The following MLANA variants were observed in gnomAD, a reference collection of about 807,000 sequenced individuals.
MLANA encodes melan-A, also known as melanoma antigen recognized by T-cells 1.
In MLANA, 21 loss-of-function variants were observed where a neutral mutation model predicts 15.7. The observed-to-expected ratio is 1.33, with a 90% CI of 0.95 to 1.92. MLANA has a LOEUF of 1.92. MLANA is among the 40% of genes most tolerant of loss of function. MLANA has a pLI of 0.00. For synonymous variants in MLANA, 56 were observed against 51.5 expected (o/e 1.09, Z -0.37); for missense variants, 164 against 143.8 (o/e 1.14, Z -0.72).
rs1181782048 is a variant in MLANA, at chr9:5,895,704, G to A, written c.78-1853G>A. Among the ~76,000 whole-genome samples, 3 of 152,212 alleles carry A rather than the reference G, an allele frequency of 2.0e-5. No individual in the cohort carries two copies. In the East Asian group the frequency reaches 5.8e-4, roughly 29 times the overall value. The stretch of plus-strand genomic sequence containing the variant: ...CCTAAGAGGCTGATTGGGTAGGCCA[G>A]GGGTGGAGTCCTATGATCTGCACCT... On this transcript the variant is annotated intron_variant, in intron 2 of 4. Transcript: ENST00000381477.
chr9:5,891,790 T>C (rs185249017), intron 1 of MLANA, among the ~76,000 whole-genome samples: 2 of 152,242 alleles, frequency 1.3e-5, no homozygotes, highest in Non-Finnish European at 2.9e-5. Context: ...GGGAAACACA[T>C]TGTTAGATAA....
intron 3 of MLANA, among the ~76,000 whole-genome samples, chr9:5,903,982 C>G (rs1048318700): frequency 7.9e-5 from 12 of 152,070 alleles, no homozygotes; most frequent in African/African-American, 2.9e-4. Flanking sequence ...CTCAGCCTCC[C>G]AAGTAGCTGG....
At chr9:5,895,938 G>A (rs888612502) in intron 2 of MLANA, among the ~76,000 whole-genome samples, 5 of 152,214 alleles carry the variant, frequency 3.3e-5, no homozygotes, top group Non-Finnish European at 7.3e-5. Flanking sequence ...TCAAGTGGAC[G>A]CCACAGGGTA....
At chr9:5,893,300 G>A (rs1047910111) in intron 2 of MLANA, among the ~76,000 whole-genome samples, 1 of 152,178 alleles carries the variant, frequency 6.6e-6, no homozygotes, top group Non-Finnish European at 1.5e-5. Context: ...CTGGGTGGCA[G>A]GGGCAGGGGA....
intron 2 of MLANA, among the ~76,000 whole-genome samples, chr9:5,897,305 G>A (rs1189684858): frequency 6.6e-6 from 1 of 152,156 alleles, no homozygotes; most frequent in East Asian, 1.9e-4. Context: ...CTGGAACTTG[G>A]GTGCCTGGGC....
rs931504942 is a variant in MLANA at position 5,910,311 on chromosome 9, C to T, written c.*1603C>T. ...ATTTTCTACTAAAGACAAAATTTCACCAAAGGGGAAAAAGAAAACACAGGA... is the reference window on the plus strand; with the variant it reads ...ATTTTCTACTAAAGACAAAATTTCATCAAAGGGGAAAAAGAAAACACAGGA... On this transcript the variant is annotated 3_prime_UTR_variant, in exon 5 of 5. Coordinates refer to ENST00000381477, the MANE Select transcript of MLANA (RefSeq NM_005511.2). The T allele has an allele frequency of 1.3e-5, 2 of 152,044 alleles. No individual in the cohort carries two copies. Among genetic ancestry groups the T allele is most frequent in the Non-Finnish European group, 2.9e-5 (2 of 68,004 alleles). The allele number at this position is 152,044 out of a possible 1,614,324, so 9.4% of individuals were successfully genotyped here. A position where few individuals can be genotyped will look rare whatever the true frequency, so the allele number is the denominator to read the frequency against.
At chr9:5,893,041 C>T (rs1831753761) in intron 2 of MLANA, among the ~76,000 whole-genome samples, 2 of 152,084 alleles carry the variant, frequency 1.3e-5, no homozygotes, top group Non-Finnish European at 2.9e-5. Flanking sequence ...TAACTTTATC[C>T]TAAGGAAAGA....
chr9:5,905,456 C>A (rs971277788), intron 3 of MLANA, among the ~76,000 whole-genome samples: 1 of 152,140 alleles, frequency 6.6e-6, no homozygotes, highest in Non-Finnish European at 1.5e-5. Context: ...AAATTAGGAA[C>A]AAGACAATGC....
Position 5,892,433 on chromosome 9 carries a change from C to T in MLANA, c.-25-17C>T. On this transcript the variant is annotated splice_polypyrimidine_tract_variant and intron_variant, in intron 1 of 4. Transcript: ENST00000381477. ...GCTTTGGATGCATTAATGATGCCCA[C>T]ATGCTCCTTCTGTTAGGTGTCCTGT... 6.3e-7 allele frequency: 1 copy of T among 1,584,152 alleles called. No homozygotes were observed. Among genetic ancestry groups the T allele is most frequent in the Non-Finnish European group, 8.6e-7 (1 of 1,162,536 alleles).
intron 2 of MLANA, among the ~76,000 whole-genome samples, chr9:5,892,803 A>T (rs1023167218): frequency 6.6e-6 from 1 of 152,170 alleles, no homozygotes; most frequent in East Asian, 1.9e-4. Context: ...TGCACTTTTG[A>T]CTATTGGGTC....
chr9:5,906,777 C>A, intron 3 of MLANA, 108 bp from the exon 4 acceptor site: 1 of 653,432 alleles, frequency 1.5e-6, no homozygotes, highest in Non-Finnish European at 2.6e-6. Flanking sequence ...AAGTAAGTGG[C>A]AGAACCTAGA....
chr9:5,892,429 C>T (rs368428916), intron 1 of MLANA, 21 bp from the exon 2 acceptor site: 2 of 1,567,442 alleles, frequency 1.3e-6, no homozygotes, highest in Non-Finnish European at 1.7e-6. Flanking sequence ...ATTAATGATG[C>T]CCACATGCTC....
At chr9:5,903,709 T>C (rs1225450801) in intron 3 of MLANA, among the ~76,000 whole-genome samples, 1 of 152,248 alleles carries the variant, frequency 6.6e-6, no homozygotes, top group Admixed American at 6.5e-5. Context: ...TTAGGTGTTC[T>C]TATGTCTTCT....
chr9:5,901,371 C>G (rs1832412691), intron 3 of MLANA, among the ~76,000 whole-genome samples: 1 of 152,118 alleles, frequency 6.6e-6, no homozygotes, highest in South Asian at 2.1e-4. Context: ...CTTCAGCAAA[C>G]TTGAGTAAGT....
chr9:5,908,612 C>A, intron 4 of MLANA, 28 bp from the exon 5 acceptor site: 5 of 1,595,246 alleles, frequency 3.1e-6, no homozygotes, highest in Non-Finnish European at 4.3e-6. Context: ...GTTGCCAAGC[C>A]CATATTCTCC....
intron 3 of MLANA, among the ~76,000 whole-genome samples, chr9:5,900,565 T>C (rs935322682): frequency 6.6e-6 from 1 of 152,198 alleles, no homozygotes; most frequent in African/African-American, 2.4e-5. Flanking sequence ...GGGATGTAAA[T>C]GACATTAAAT....
chr9:5,891,659 C>T (rs898331649), intron 1 of MLANA, among the ~76,000 whole-genome samples: 13 of 152,090 alleles, frequency 8.5e-5, no homozygotes, highest in Non-Finnish European at 1.2e-4. Flanking sequence ...ACTTGAATTA[C>T]GGCCACTGCA....
chr9:5,901,386 C>A (rs1258484543), intron 3 of MLANA, among the ~76,000 whole-genome samples: 1 of 152,152 alleles, frequency 6.6e-6, no homozygotes, highest in Non-Finnish European at 1.5e-5. Flanking sequence ...GTAAGTTTCC[C>A]TTTATCCCTC....
intron 3 of MLANA, among the ~76,000 whole-genome samples, chr9:5,899,547 T>C (rs1832278969): frequency 6.6e-6 from 1 of 152,062 alleles, no homozygotes; most frequent in African/African-American, 2.4e-5. Flanking sequence ...GACTCCAATA[T>C]TGGAGGAAAT....
Sources: allele counts gnomAD v4.1 joint callset (sites outside exome capture counted in the v4.1 genomes callset), GRCh38; gene constraint gnomAD v4.1.1; transcripts MANE v1.5; gene names NCBI Gene and HGNC (gene_info 2026-07-23, HGNC 2026-07-21).